RPS6KC1: variants seen among roughly 807,000 people sequenced by gnomAD.
The protein encoded by RPS6KC1 is ribosomal protein S6 kinase C1.
A neutral mutation model predicts 103.8 loss-of-function variants in RPS6KC1; 54 were observed. That is an observed-to-expected ratio of 0.52 (90% confidence interval 0.42 to 0.65). RPS6KC1 has a LOEUF of 0.65. Ranked by LOEUF, RPS6KC1 falls within the 30% of genes least tolerant of loss-of-function variation. The pLI, the probability that RPS6KC1 is intolerant of heterozygous loss-of-function variation, is 0.00. For synonymous variants in RPS6KC1, 439 were observed against 438.7 expected (o/e 1.00, Z -0.01); for missense variants, 1,151 against 1,253.8 (o/e 0.92, Z 1.24).
At chr1:213,421,187 CTG>C in the RPS6KC1 span, among the ~76,000 whole-genome samples, 45 of 151,560 alleles carry the variant, frequency 3.0e-4, no homozygotes, top group East Asian at 8.0e-3. Context: ...TCGGCTCACA[CTG>C]TAACCTCTGC....
the RPS6KC1 span, among the ~76,000 whole-genome samples, chr1:213,792,468 A>C: frequency 6.6e-6 from 1 of 152,168 alleles, no homozygotes; most frequent in Non-Finnish European, 1.5e-5. Flanking sequence ...CTTCAAATGC[A>C]AGTTTACCTT....
the RPS6KC1 span, among the ~76,000 whole-genome samples, chr1:213,425,166 C>T: frequency 6.6e-6 from 1 of 152,108 alleles, no homozygotes; most frequent in South Asian, 2.1e-4. Flanking sequence ...CCCCCCTTAA[C>T]AATAGAGAGG....
At chr1:213,083,660 G>A (rs2080112824) in intron 3 of RPS6KC1, among the ~76,000 whole-genome samples, 1 of 152,104 alleles carries the variant, frequency 6.6e-6, no homozygotes, top group South Asian at 2.1e-4. Context: ...TTGGGAGGAG[G>A]GTGAGGAGAT....
chr1:213,376,251 G>T, the RPS6KC1 span, among the ~76,000 whole-genome samples: 1 of 152,108 alleles, frequency 6.6e-6, no homozygotes, highest in Non-Finnish European at 1.5e-5. Flanking sequence ...GTATGTAAAT[G>T]AATCTTGTTT....
chr1:213,117,434 A>G (rs563418335), intron 5 of RPS6KC1, 24 bp downstream of exon 5: 4 of 1,415,894 alleles, frequency 2.8e-6, no homozygotes, highest in African/African-American at 1.4e-5. Flanking sequence ...ATTTTTTTGC[A>G]TTTCAAAGGT....
chr1:213,452,826 C>T, the RPS6KC1 span, among the ~76,000 whole-genome samples: 2 of 152,230 alleles, frequency 1.3e-5, no homozygotes, highest in African/African-American at 4.8e-5. Flanking sequence ...TCTCAATTAT[C>T]TGCATGAGTG....
At position 213,077,708 on chromosome 1, in the gene RPS6KC1, A is replaced by G; in HGVS notation, c.154A>G (p.Lys52Glu). The change falls in exon 3 of 15, where the codon AAG becomes GAG. Residue 52 changes from lysine to glutamate, a missense_variant. Transcript: ENST00000366960. Reference protein sequence around the residue: ...PEDVQEIIVWKRYSDFKKLHK... With the variant: ...PEDVQEIIVWERYSDFKKLHK... ...TTTTTCTCTCTAGATAATTGTATGG[A>G]AGAGATACAGTGATTTTAAGAAACT... 6.8e-7 allele frequency: 1 copy of G among 1,472,840 alleles called. No individual in the cohort carries two copies. Among genetic ancestry groups the G allele is most frequent in the Non-Finnish European group, 9.3e-7 (1 of 1,077,460 alleles). The allele number at this position is 1,472,840 out of a possible 1,614,324, so 91.2% of individuals were successfully genotyped here.
At chr1:213,239,792 T>A (rs957156343) in intron 10 of RPS6KC1, among the ~76,000 whole-genome samples, 3 of 152,216 alleles carry the variant, frequency 2.0e-5, no homozygotes, top group Non-Finnish European at 2.9e-5. Context: ...CAAATTTAAT[T>A]AATTATTCTT....
chr1:213,365,332 A>G, the RPS6KC1 span, among the ~76,000 whole-genome samples: 16 of 152,158 alleles, frequency 1.1e-4, no homozygotes, highest in Non-Finnish European at 2.1e-4. Flanking sequence ...TCCCCCTTCT[A>G]CCTGAGCTTT....
At chr1:213,805,432 C>T in the RPS6KC1 span, among the ~76,000 whole-genome samples, 44 of 152,304 alleles carry the variant, frequency 2.9e-4, no homozygotes, top group Middle Eastern at 0.01. Flanking sequence ...ACAGTGTTTA[C>T]GGCATCTTCA....
chr1:213,853,649 T>C, the RPS6KC1 span, among the ~76,000 whole-genome samples: 5 of 152,226 alleles, frequency 3.3e-5, no homozygotes, highest in African/African-American at 4.8e-5. Context: ...ACACTTGTTT[T>C]CTCTTCAAGA....
At chr1:213,664,096 CCAGCTCCCTGCAGCACA>C in the RPS6KC1 span, among the ~76,000 whole-genome samples, 1 of 151,176 alleles carries the variant, frequency 6.6e-6, no homozygotes, top group Non-Finnish European at 1.5e-5. Context: ...TGGCCTGCAC[CCAGCTCCCTGCAGCACA>C]CAGGGCAGCT....
the RPS6KC1 span, among the ~76,000 whole-genome samples, chr1:213,487,288 T>C: frequency 6.6e-6 from 1 of 152,076 alleles, no homozygotes; most frequent in Non-Finnish European, 1.5e-5. Flanking sequence ...CCCAGCTACC[T>C]GGGGGGCTGA....
chr1:213,290,989 G>A, the RPS6KC1 span, among the ~76,000 whole-genome samples: 1 of 152,240 alleles, frequency 6.6e-6, no homozygotes, highest in South Asian at 2.1e-4. Flanking sequence ...TCCCGGCCAC[G>A]CCAAGAAACA....
chr1:213,805,008 C>T, the RPS6KC1 span, among the ~76,000 whole-genome samples: 1 of 152,260 alleles, frequency 6.6e-6, no homozygotes, highest in African/African-American at 2.4e-5. Flanking sequence ...GTTGTGTTTA[C>T]ATCATACTGT....
At chr1:213,256,999 C>T (rs1210889914) in intron 12 of RPS6KC1, among the ~76,000 whole-genome samples, 1 of 152,110 alleles carries the variant, frequency 6.6e-6, no homozygotes, top group African/African-American at 2.4e-5. Context: ...CTTGCAAATC[C>T]ATGCAAATTT....
chr1:213,815,164 A>C, the RPS6KC1 span, among the ~76,000 whole-genome samples: 2 of 152,004 alleles, frequency 1.3e-5, no homozygotes, highest in African/African-American at 4.8e-5. Flanking sequence ...TTTGCTTGGC[A>C]CTTCTTTCTC....
At chr1:213,092,545 A>G (rs574387932) in intron 3 of RPS6KC1, among the ~76,000 whole-genome samples, 76 of 151,998 alleles carry the variant, frequency 5.0e-4, no homozygotes, top group African/African-American at 1.8e-3. Context: ...GGTGGCGGGC[A>G]CCTGAAGTCC....
At chr1:213,673,859 CA>C in the RPS6KC1 span, among the ~76,000 whole-genome samples, 2 of 151,900 alleles carry the variant, frequency 1.3e-5, no homozygotes, top group Non-Finnish European at 2.9e-5. Flanking sequence ...CTTTTTGATT[CA>C]GGGGGTACAT....
Sources: allele counts gnomAD v4.1 joint callset (sites outside exome capture counted in the v4.1 genomes callset), GRCh38; gene constraint gnomAD v4.1.1; transcripts MANE v1.5; gene names NCBI Gene and HGNC (gene_info 2026-07-23, HGNC 2026-07-21).